The following BICC1 variants were observed in gnomAD, a reference collection of about 807,000 sequenced individuals.
BICC1 encodes BicC family RNA binding protein 1.
In BICC1, 43 loss-of-function variants were observed where a neutral mutation model predicts 111.0. That is an observed-to-expected ratio of 0.39 (90% CI 0.30 to 0.50). The LOEUF is 0.50. BICC1 is among the 20% of genes least tolerant of loss of function. The probability of loss-of-function intolerance (pLI) is 0.88; values close to 1 mark genes in which losing one functional copy is unlikely to be tolerated. For missense variants in BICC1, 1,091 were observed against 1,203.2 expected (o/e 0.91, Z 1.38); for synonymous variants, 467 against 434.4 (o/e 1.07, Z -0.93).
chr10:58,681,025 A>G (rs1240248752), intron 2 of BICC1, among the ~76,000 whole-genome samples: 2 of 152,208 alleles, frequency 1.3e-5, no homozygotes, highest in Non-Finnish European at 2.9e-5. Context: ...AATTAACTCA[A>G]GATGGATTAA....
In BICC1 at chr10:58,548,694, C is replaced by G. The variant is rs972034529; in HGVS notation, c.190+35361C>G. ...CCTATTTACTGTCACTGTAGTTTTG[C>G]CTTTTTCAGAATGTCACACAAATGT... On this transcript the variant is annotated intron_variant, in intron 1 of 20. Coordinates refer to ENST00000373886, the MANE Select transcript of BICC1 (RefSeq NM_001080512.3). Among the ~76,000 whole-genome samples, 3 of 152,162 alleles carry G rather than the reference C, an allele frequency of 2.0e-5. No individual in the cohort carries two copies. The East Asian group carries it at 5.8e-4, about 29-fold the overall frequency.
At chr10:58,524,913 A>G (rs1842489586) in intron 1 of BICC1, among the ~76,000 whole-genome samples, 1 of 152,168 alleles carries the variant, frequency 6.6e-6, no homozygotes, top group Non-Finnish European at 1.5e-5. Flanking sequence ...ATATGAACAA[A>G]CACTTCTCAA....
intron 1 of BICC1, among the ~76,000 whole-genome samples, chr10:58,569,347 A>C (rs1843870360): frequency 6.6e-6 from 1 of 152,154 alleles, no homozygotes; most frequent in South Asian, 2.1e-4. Context: ...ATCACAAGGA[A>C]TATATGTACA....
chr10:58,651,231 T>G (rs1264223740), intron 2 of BICC1, among the ~76,000 whole-genome samples: 5 of 152,110 alleles, frequency 3.3e-5, no homozygotes, highest in Admixed American at 2.0e-4. Context: ...GTGAGATGGG[T>G]TGTCTGTCTT....
intron 1 of BICC1, among the ~76,000 whole-genome samples, chr10:58,556,321 T>G (rs1274872256): frequency 6.6e-6 from 1 of 152,110 alleles, no homozygotes; most frequent in East Asian, 1.9e-4. Flanking sequence ...CAATTTGGTC[T>G]TGCATCGAAG....
At chr10:58,728,773 G>T (rs1841194042) in intron 3 of BICC1, among the ~76,000 whole-genome samples, 1 of 152,114 alleles carries the variant, frequency 6.6e-6, no homozygotes, top group Non-Finnish European at 1.5e-5. Flanking sequence ...AAGGAATATT[G>T]TGTTAGCAGG....
At chr10:58,605,012 A>C (rs772577672) in intron 1 of BICC1, among the ~76,000 whole-genome samples, 2 of 152,144 alleles carry the variant, frequency 1.3e-5, no homozygotes, top group Non-Finnish European at 2.9e-5. Context: ...TACCACCCTC[A>C]TGACCTAATG....
At chr10:58,715,581 T>C (rs1840714683) in intron 3 of BICC1, 1 of 1,589,594 alleles carries the variant, frequency 6.3e-7, no homozygotes, top group Non-Finnish European at 8.6e-7. Context: ...TCGGGTGGCC[T>C]ATATGCACCC....
chr10:58,719,592 C>T (rs1017464616), intron 3 of BICC1, among the ~76,000 whole-genome samples: 5 of 152,098 alleles, frequency 3.3e-5, no homozygotes, highest in Admixed American at 6.6e-5. Context: ...CTGCAAGCTC[C>T]GCCTCATTTG....
In BICC1 at chr10:58,796,437, C is replaced by G; in HGVS notation, c.1277C>G (p.Thr426Ser). Residue 426 changes from threonine (T) to serine (S), a missense_variant, in exon 10 of 21, where the codon ACC becomes AGC. Transcript: ENST00000373886. ...GLESSGVTIA[T>S]SPSPASCPAG... ...GAAAGCAGTGGGGTTACCATAGCAACCAGTCCATCCCCAGCATCCTGCCCT... is the reference window on the plus strand; with the variant it reads ...GAAAGCAGTGGGGTTACCATAGCAAGCAGTCCATCCCCAGCATCCTGCCCT... 2 of 1,614,150 alleles carry G rather than the reference C, an allele frequency of 1.2e-6. No individual in the cohort carries two copies. Among genetic ancestry groups the G allele is most frequent in the Non-Finnish European group, 1.7e-6 (2 of 1,180,010 alleles).
chr10:58,686,827 T>C (rs1038346167), intron 2 of BICC1, among the ~76,000 whole-genome samples: 4 of 152,224 alleles, frequency 2.6e-5, no homozygotes, highest in African/African-American at 9.6e-5. Flanking sequence ...CTTCTTTAGC[T>C]CAGAGAAGTT....
chr10:58,572,510 G>A (rs1843989881), intron 1 of BICC1, among the ~76,000 whole-genome samples: 1 of 152,018 alleles, frequency 6.6e-6, no homozygotes, highest in East Asian at 1.9e-4. Flanking sequence ...TAAGGAGATT[G>A]CCTGGAGACT....
At chr10:58,536,622 C>T (rs1842833155) in intron 1 of BICC1, among the ~76,000 whole-genome samples, 1 of 151,646 alleles carries the variant, frequency 6.6e-6, no homozygotes, top group Non-Finnish European at 1.5e-5. Context: ...TGCAAGGTTA[C>T]AAATTGACAA....
chr10:58,813,812 G>A lies in BICC1; in HGVS notation c.2377-18G>A, dbSNP rs768428333. Reference sequence around the variant, plus strand: ...CACCTGATTAAATATTTCCTTATCTGGCTTTGTCTGTTTACAGGGCTCATC... The same window carrying A: ...CACCTGATTAAATATTTCCTTATCTAGCTTTGTCTGTTTACAGGGCTCATC... On this transcript the variant is annotated intron_variant, in intron 17 of 20. Transcript: ENST00000373886. 1 of 1,610,344 alleles carries A rather than the reference G, an allele frequency of 6.2e-7. No homozygotes were observed. The highest frequency in any genetic ancestry group is 1.1e-5 in the South Asian group (1 of 90,744).
chr10:58,516,308 A>G (rs1896246), intron 1 of BICC1, among the ~76,000 whole-genome samples: 82,078 of 152,010 alleles, frequency 0.54, 23,213 homozygotes, highest in African/African-American at 0.71. Context: ...AATGAGTTGT[A>G]TTTTTATTAG....
chr10:58,807,220 C>T (rs1384966023), intron 17 of BICC1, 62 bp downstream of exon 17: 4 of 1,487,182 alleles, frequency 2.7e-6, no homozygotes, highest in African/African-American at 1.4e-5. Context: ...GAGGACAGTC[C>T]TTCCCCCACC....
At chr10:58,824,181 C>A (rs1844330049) in intron 20 of BICC1, 4 of 767,714 alleles carry the variant, frequency 5.2e-6, no homozygotes, top group African/African-American at 1.9e-5. Flanking sequence ...AAGGCCAGTG[C>A]TCAGGGCATT....
chr10:58,679,325 T>C (rs1158532567), intron 2 of BICC1, among the ~76,000 whole-genome samples: 3 of 151,924 alleles, frequency 2.0e-5, no homozygotes, highest in Admixed American at 1.3e-4. Flanking sequence ...AAGAATCAAA[T>C]AGACAAAATT....
chr10:58,799,998 C>G (rs1201018418), intron 12 of BICC1, among the ~76,000 whole-genome samples, 196 bp from the exon 13 acceptor site: 2 of 152,020 alleles, frequency 1.3e-5, no homozygotes, highest in Non-Finnish European at 2.9e-5. Context: ...GATGTTTTTC[C>G]ATTTGTTTGT....
Sources: allele counts gnomAD v4.1 joint callset (sites outside exome capture counted in the v4.1 genomes callset), GRCh38; gene constraint gnomAD v4.1.1; transcripts MANE v1.5; gene names NCBI Gene and HGNC (gene_info 2026-07-23, HGNC 2026-07-21).